The following TAFA2 variants were observed in gnomAD, a reference collection of about 807,000 sequenced individuals.
The protein encoded by TAFA2 is TAFA chemokine like family member 2.
TAFA2 carries 7 observed loss-of-function variants against 18.8 expected under a neutral mutation model. The ratio of observed to expected loss-of-function variants is 0.37; its 90% CI spans 0.21 to 0.70. The LOEUF (loss-of-function observed/expected upper bound fraction) is 0.70, where lower values mean the gene tolerates loss of function less well. TAFA2 is among the 30% of genes least tolerant of loss of function. TAFA2 has a pLI of 0.53. For synonymous variants in TAFA2, 60 were observed against 54.2 expected (o/e 1.11, Z -0.47); for missense variants, 122 against 158.1 (o/e 0.77, Z 1.23).
intron 1 of TAFA2, among the ~76,000 whole-genome samples, chr12:62,031,432 G>A (rs1026339245): frequency 8.6e-5 from 13 of 151,778 alleles, no homozygotes; most frequent in South Asian, 2.1e-4. Flanking sequence ...GCCTGCAGAC[G>A]GCCTATTGTG....
Position 61,709,598 on chromosome 12 carries a change from T to A in TAFA2, c.*808A>T, listed in dbSNP as rs1429639375. On this transcript the variant is annotated 3_prime_UTR_variant, in exon 5 of 5. Transcript: ENST00000416284. The stretch of plus-strand genomic sequence containing the variant: ...GAAGGGAATAAGTAAACATAAAAAA[T>A]TAAAGAAAAGCTCACTTAAAAAAAA... The A allele has an allele frequency of 1.4e-5, 2 of 145,010 alleles. No individual in the cohort carries two copies. Among genetic ancestry groups the A allele is most frequent in the African/African-American group, 4.9e-5 (2 of 40,726 alleles). The allele number at this position is 145,010 out of a possible 1,614,324, so 9.0% of individuals were successfully genotyped here. A position where few individuals can be genotyped will look rare whatever the true frequency, so the allele number is the denominator to read the frequency against.
intron 4 of TAFA2, among the ~76,000 whole-genome samples, chr12:61,729,872 G>T (rs1481125266): frequency 6.6e-6 from 1 of 152,060 alleles, no homozygotes; most frequent in African/African-American, 2.4e-5. Flanking sequence ...GGAAAGATCT[G>T]GGACTCAAGG....
chr12:62,029,548 G>C (rs972443417), intron 1 of TAFA2, among the ~76,000 whole-genome samples: 3 of 152,074 alleles, frequency 2.0e-5, no homozygotes, highest in African/African-American at 7.2e-5. Context: ...GATGTGATAA[G>C]ATGGCTAAGT....
chr12:61,960,866 T>C (rs1267550295), intron 1 of TAFA2, among the ~76,000 whole-genome samples: 1 of 151,952 alleles, frequency 6.6e-6, no homozygotes, highest in Non-Finnish European at 1.5e-5. Flanking sequence ...TACAACCTGA[T>C]GAAAATAGAA....
intron 1 of TAFA2, among the ~76,000 whole-genome samples, chr12:61,958,374 TA>T (rs1258007916): frequency 1.3e-5 from 2 of 152,064 alleles, no homozygotes; most frequent in Non-Finnish European, 2.9e-5. Context: ...TATTCTACGG[TA>T]TAAATTTACA....
chr12:61,725,294 C>T (rs1199910117), intron 4 of TAFA2, among the ~76,000 whole-genome samples: 2 of 151,906 alleles, frequency 1.3e-5, no homozygotes, highest in East Asian at 3.9e-4. Context: ...TCAATTAAGT[C>T]CCATCAATTT....
intron 1 of TAFA2, among the ~76,000 whole-genome samples, chr12:61,907,037 A>C (rs1010171980): frequency 6.6e-6 from 1 of 152,222 alleles, no homozygotes; most frequent in Non-Finnish European, 1.5e-5. Flanking sequence ...TAGGTTTAAA[A>C]GGGACGCAGA....
chr12:61,908,722 A>T (rs1356903352), intron 1 of TAFA2, among the ~76,000 whole-genome samples: 1 of 152,218 alleles, frequency 6.6e-6, no homozygotes, highest in East Asian at 1.9e-4. Flanking sequence ...TAAATATAAT[A>T]TTAAAGAACA....
At chr12:61,847,878 T>C (rs561526033) in intron 2 of TAFA2, among the ~76,000 whole-genome samples, 89 of 152,290 alleles carry the variant, frequency 5.8e-4, no homozygotes, top group Non-Finnish European at 7.9e-4. Context: ...ATAACTACTA[T>C]ACAAATAACC....
intron 2 of TAFA2, among the ~76,000 whole-genome samples, chr12:61,758,352 G>C (rs1024261221): frequency 3.9e-5 from 6 of 151,916 alleles, no homozygotes; most frequent in Admixed American, 6.6e-5. Context: ...ATCTAGTAGA[G>C]AGGGAAAATG....
intron 1 of TAFA2, among the ~76,000 whole-genome samples, chr12:62,006,195 A>G (rs1260469190): frequency 6.6e-6 from 1 of 152,196 alleles, no homozygotes; most frequent in African/African-American, 2.4e-5. Context: ...TTTGTAAACC[A>G]AGCACATGAG....
chr12:61,773,519 A>T (rs556967873), intron 2 of TAFA2, among the ~76,000 whole-genome samples: 1 of 152,226 alleles, frequency 6.6e-6, no homozygotes, highest in Non-Finnish European at 1.5e-5. Flanking sequence ...ACATAGACCA[A>T]TGGAACATAA....
intron 1 of TAFA2, among the ~76,000 whole-genome samples, chr12:62,060,823 A>G (rs1205167393): frequency 6.6e-6 from 1 of 152,196 alleles, no homozygotes; most frequent in African/African-American, 2.4e-5. Context: ...AAAAGTAAAA[A>G]ATGTATTTAA....
chr12:62,038,262 G>T (rs905338647), intron 1 of TAFA2, among the ~76,000 whole-genome samples: 2 of 152,080 alleles, frequency 1.3e-5, no homozygotes, highest in East Asian at 1.9e-4. Flanking sequence ...CACAAAAAAG[G>T]TAACTGTGGA....
intron 2 of TAFA2, among the ~76,000 whole-genome samples, chr12:61,836,346 C>T (rs1313418501): frequency 6.6e-6 from 1 of 151,890 alleles, no homozygotes; most frequent in Non-Finnish European, 1.5e-5. Context: ...AAAGAATCTG[C>T]TAAAGAATCT....
rs146815929 is a variant in TAFA2 at position 61,892,202 on chromosome 12, A to G, written c.-1-24776T>C. Among the ~76,000 whole-genome samples the G allele has an allele frequency of 7.1e-3, 1,083 of 152,196 alleles. 19 individuals are homozygous for G. Among genetic ancestry groups the G allele is most frequent in the African/African-American group, 0.024 (1,015 of 41,510 alleles). The stretch of plus-strand genomic sequence containing the variant: ...AGCAAAGAGGACAGGAATCAAGGAC[A>G]TAGTCAAGATATTTGGTTTAAAAAA... On this transcript the variant is annotated intron_variant, in intron 1 of 4. Coordinates refer to ENST00000416284, the MANE Select transcript of TAFA2 (RefSeq NM_178539.5).
intron 1 of TAFA2, among the ~76,000 whole-genome samples, chr12:62,186,432 C>A (rs1377753888): frequency 1.3e-5 from 2 of 152,128 alleles, no homozygotes; most frequent in Non-Finnish European, 2.9e-5. Flanking sequence ...GAGACTTGTT[C>A]AGCTGGTTCT....
chr12:61,870,523 A>G (rs1874553368), intron 1 of TAFA2, among the ~76,000 whole-genome samples: 1 of 152,240 alleles, frequency 6.6e-6, no homozygotes, highest in Non-Finnish European at 1.5e-5. Context: ...ACAGAAGGCC[A>G]TCATTCTTAG....
intron 1 of TAFA2, among the ~76,000 whole-genome samples, chr12:61,883,047 T>C (rs535732480): frequency 5.9e-5 from 9 of 152,334 alleles, no homozygotes; most frequent in Admixed American, 3.3e-4. Context: ...ATTAAACATC[T>C]ACTGTTACTT....
Sources: gnomAD v4.1 joint callset for allele counts (sites outside exome capture counted in the v4.1 genomes callset) on GRCh38, gnomAD v4.1.1 for gene constraint, MANE v1.5 for transcripts, NCBI Gene and HGNC (gene_info 2026-07-23, HGNC 2026-07-21) for gene names.